RNGTT: variants seen among roughly 807,000 people sequenced by gnomAD.
RNGTT encodes mRNA-capping enzyme.
In RNGTT, 33 loss-of-function variants were observed where a neutral mutation model predicts 79.3. The ratio of observed to expected loss-of-function variants is 0.42; its 90% CI spans 0.32 to 0.56. RNGTT has a LOEUF of 0.56. Ranked by LOEUF, RNGTT falls within the 20% of genes least tolerant of loss-of-function variation. The pLI, the probability that RNGTT is intolerant of heterozygous loss-of-function variation, is 0.17. For synonymous variants in RNGTT, 222 were observed against 235.9 expected (o/e 0.94, Z 0.54); for missense variants, 497 against 739.1 (o/e 0.67, Z 3.80).
intron 2 of RNGTT, among the ~76,000 whole-genome samples, chr6:88,933,997 C>T (rs574341116): frequency 6.6e-6 from 1 of 152,256 alleles, no homozygotes; most frequent in African/African-American, 2.4e-5. Context: ...TCCTTGCCAG[C>T]ATCTGTTGGT....
At chr6:88,775,385 T>A (rs1778842730) in intron 12 of RNGTT, among the ~76,000 whole-genome samples, 1 of 152,082 alleles carries the variant, frequency 6.6e-6, no homozygotes, top group African/African-American at 2.4e-5. Context: ...AACCTACATC[T>A]CCCCAACTCC....
At chr6:88,683,474 A>T (rs1201647870) in intron 13 of RNGTT, among the ~76,000 whole-genome samples, 2 of 152,216 alleles carry the variant, frequency 1.3e-5, no homozygotes, top group East Asian at 3.8e-4. Context: ...AAGGTCTAGC[A>T]AATTCACCAG....
intron 14 of RNGTT, among the ~76,000 whole-genome samples, chr6:88,658,204 C>T (rs1338714729): frequency 6.6e-6 from 1 of 152,196 alleles, no homozygotes; most frequent in Non-Finnish European, 1.5e-5. Context: ...AAAACAACAG[C>T]TAATTCCACC....
At chr6:88,954,398 T>C (rs1411867494) in intron 1 of RNGTT, among the ~76,000 whole-genome samples, 1 of 152,128 alleles carries the variant, frequency 6.6e-6, no homozygotes, top group East Asian at 1.9e-4. Flanking sequence ...AGAAGGACAT[T>C]ATATAATGAA....
At chr6:88,853,905 A>C in intron 8 of RNGTT, 141 bp from the exon 9 acceptor site, 1 of 462,794 alleles carries the variant, frequency 2.2e-6, no homozygotes, top group South Asian at 5.7e-5. Flanking sequence ...TGTAGATTAA[A>C]GTATCACAAA....
At chr6:88,832,743 C>T (rs1223001371) in intron 11 of RNGTT, among the ~76,000 whole-genome samples, 2 of 152,070 alleles carry the variant, frequency 1.3e-5, no homozygotes, top group South Asian at 2.1e-4. Flanking sequence ...GAAAAAACAA[C>T]CCCATCAAAA....
At position 88,791,579 on chromosome 6, in the gene RNGTT, G is replaced by A. The variant is rs1024496831; in HGVS notation, c.1338+9985C>T. Among the ~76,000 whole-genome samples the A allele has an allele frequency of 5.9e-5, 9 of 151,806 alleles. No homozygotes were observed. The South Asian group carries it at 8.4e-4, about 14-fold the overall frequency. ...TTTTGAGACAGAGTCTGGCTCTGAC[G>A]CCCAGGCTGGAGTGCAGTGGCACAA... is the stretch of plus-strand genomic sequence containing the variant. On this transcript the variant is annotated intron_variant, in intron 12 of 15. Transcript: ENST00000369485.
At chr6:88,730,558 C>T (rs555103079) in intron 13 of RNGTT, among the ~76,000 whole-genome samples, 2 of 152,314 alleles carry the variant, frequency 1.3e-5, no homozygotes, top group Admixed American at 6.5e-5. Context: ...ATTTCTCTTG[C>T]GGCACCAAAA....
intron 2 of RNGTT, among the ~76,000 whole-genome samples, chr6:88,938,655 T>A (rs1024628676): frequency 6.6e-6 from 1 of 152,202 alleles, no homozygotes; most frequent in Non-Finnish European, 1.5e-5. Context: ...TATTGTGTAG[T>A]GGTAACATTT....
At chr6:88,880,219 GAAGAAGGGA>G in intron 8 of RNGTT, among the ~76,000 whole-genome samples, 1 of 151,836 alleles carries the variant, frequency 6.6e-6, no homozygotes, top group Non-Finnish European at 1.5e-5. Context: ...TGAATGAAAG[GAAGAAGGGA>G]AGGAAGGGAG....
At chr6:88,830,477 A>C (rs1019428529) in intron 11 of RNGTT, among the ~76,000 whole-genome samples, 2 of 152,198 alleles carry the variant, frequency 1.3e-5, no homozygotes, top group African/African-American at 4.8e-5. Context: ...GAAAGCGGGA[A>C]AGATCTTAAA....
chr6:88,852,252 A>G lies in RNGTT; in HGVS notation c.1032+1377T>C, dbSNP rs374867523. Among the ~76,000 whole-genome samples the G allele has an allele frequency of 5.3e-5, 8 of 152,240 alleles. No individual in the cohort carries two copies. In the East Asian group the frequency reaches 9.7e-4, roughly 18 times the overall value. The stretch of plus-strand genomic sequence containing the variant: ...CCTTCTCCTCAACCCTCTAAGCAAT[A>G]CCCGTACTCTTGGTATAGCAACTCA... On this transcript the variant is annotated intron_variant, in intron 9 of 15. Coordinates refer to ENST00000369485, the MANE Select transcript of RNGTT (RefSeq NM_003800.5).
intron 14 of RNGTT, among the ~76,000 whole-genome samples, chr6:88,647,430 T>C (rs1773608709): frequency 6.6e-6 from 1 of 152,074 alleles, no homozygotes; most frequent in South Asian, 2.1e-4. Context: ...AATGAAAATA[T>C]GTACTGAACA....
At chr6:88,759,156 A>T (rs944320703) in intron 13 of RNGTT, among the ~76,000 whole-genome samples, 4 of 152,232 alleles carry the variant, frequency 2.6e-5, no homozygotes, top group Non-Finnish European at 5.9e-5. Flanking sequence ...TATTTTTAGC[A>T]AAGTTCATAA....
chr6:88,711,775 C>T (rs999346688), intron 13 of RNGTT, among the ~76,000 whole-genome samples: 2 of 152,134 alleles, frequency 1.3e-5, no homozygotes, highest in South Asian at 4.1e-4. Context: ...CAGTAAGGAG[C>T]ATTTGTTAGT....
At chr6:88,649,706 A>G (rs765761868) in intron 14 of RNGTT, among the ~76,000 whole-genome samples, 11 of 152,136 alleles carry the variant, frequency 7.2e-5, no homozygotes, top group Non-Finnish European at 1.2e-4. Flanking sequence ...CAAAAAAAAA[A>G]AGGTTCTAAA....
chr6:88,936,768 G>C (rs777979958), intron 2 of RNGTT, among the ~76,000 whole-genome samples: 3 of 152,178 alleles, frequency 2.0e-5, no homozygotes, highest in Admixed American at 6.5e-5. Context: ...CATAATGCTA[G>C]CTTTACAGAA....
At chr6:88,894,162 C>G (rs1171860557) in intron 6 of RNGTT, among the ~76,000 whole-genome samples, 1 of 152,114 alleles carries the variant, frequency 6.6e-6, no homozygotes, top group Non-Finnish European at 1.5e-5. Flanking sequence ...CGTGCTGATA[C>G]TGCTCATTAT....
At chr6:88,618,511 T>TA in intron 14 of RNGTT, among the ~76,000 whole-genome samples, 1 of 152,266 alleles carries the variant, frequency 6.6e-6, no homozygotes, top group South Asian at 2.1e-4. Context: ...CATCAGGTCT[T>TA]CTAATCAACT....
Sources: gnomAD v4.1 joint callset for allele counts (sites outside exome capture counted in the v4.1 genomes callset) on GRCh38, gnomAD v4.1.1 for gene constraint, MANE v1.5 for transcripts, NCBI Gene and HGNC (gene_info 2026-07-23, HGNC 2026-07-21) for gene names.